ELOC: variants seen among roughly 807,000 people sequenced by gnomAD.
The protein encoded by ELOC is elongin C, also known as elongin-C.
For missense variants in ELOC, 38 were observed against 139.0 expected (o/e 0.27, Z 3.65); for synonymous variants, 40 against 51.3 (o/e 0.78, Z 0.94).
At chr8:73,949,384 G>C (rs1410096554) in intron 3 of ELOC, among the ~76,000 whole-genome samples, 3 of 152,130 alleles carry the variant, frequency 2.0e-5, no homozygotes, top group Admixed American at 1.3e-4. Flanking sequence ...AAACATCAGT[G>C]ATTTTTCTAA....
chr8:73,947,387 C>A (rs1008493314), intron 3 of ELOC, among the ~76,000 whole-genome samples: 1 of 152,070 alleles, frequency 6.6e-6, no homozygotes, highest in Non-Finnish European at 1.5e-5. Flanking sequence ...AAAAAGAGAG[C>A]CTCAGAAGAG....
intron 3 of ELOC, among the ~76,000 whole-genome samples, chr8:73,954,156 T>G (rs12546262): frequency 0.31 from 46,387 of 151,962 alleles, 7,337 homozygotes; most frequent in Admixed American, 0.39. Flanking sequence ...AGCAGACTGG[T>G]GGTAGTCAGA....
chr8:73,968,696 T>G (rs1231473778), intron 1 of ELOC, among the ~76,000 whole-genome samples: 1 of 152,206 alleles, frequency 6.6e-6, no homozygotes, highest in Admixed American at 6.5e-5. Context: ...ACCTTTCCAC[T>G]TAAGCAATGA....
At chr8:73,947,204 G>T (rs965530155) in intron 3 of ELOC, among the ~76,000 whole-genome samples, 2 of 152,194 alleles carry the variant, frequency 1.3e-5, no homozygotes, top group East Asian at 3.9e-4. Context: ...GGTCAGGCTG[G>T]TCTCAAACTC....
chr8:73,964,156 A>G (rs887510812), intron 1 of ELOC, among the ~76,000 whole-genome samples: 14 of 147,706 alleles, frequency 9.5e-5, no homozygotes, highest in Non-Finnish European at 1.5e-4. Context: ...TAATCACAGT[A>G]TGTTAAGTGG....
intron 3 of ELOC, among the ~76,000 whole-genome samples, chr8:73,951,679 C>CAACAAA (rs1554594060): frequency 6.1e-5 from 9 of 147,978 alleles, no homozygotes; most frequent in Non-Finnish European, 1.2e-4. Flanking sequence ...ACAACAACAA[C>CAACAAA]AAAACAACAG....
chr8:73,964,600 T>G (rs1353236991), intron 1 of ELOC: 1 of 151,940 alleles, frequency 6.6e-6, no homozygotes, highest in Non-Finnish European at 1.5e-5. Context: ...AGCCGGGCAC[T>G]CCAGCCTGGG....
At chr8:73,949,013 C>A (rs1813573244) in intron 3 of ELOC, among the ~76,000 whole-genome samples, 1 of 152,148 alleles carries the variant, frequency 6.6e-6, no homozygotes, top group Non-Finnish European at 1.5e-5. Context: ...GTTTTTCAGT[C>A]ATTCTTCAAA....
chr8:73,962,583 AAAAC>A (rs1271698710), intron 1 of ELOC, among the ~76,000 whole-genome samples: 1 of 152,178 alleles, frequency 6.6e-6, no homozygotes, highest in African/African-American at 2.4e-5. Context: ...AACAAAAAAA[AAAAC>A]AAAACAAATG....
intron 3 of ELOC, among the ~76,000 whole-genome samples, chr8:73,950,515 T>C (rs1018004555): frequency 2.1e-4 from 32 of 152,170 alleles, no homozygotes; most frequent in Admixed American, 1.5e-3. Flanking sequence ...AGCTAATAAA[T>C]GCAAAAAATT....
chr8:73,947,277 G>A (rs979705195), intron 3 of ELOC, among the ~76,000 whole-genome samples: 13 of 151,972 alleles, frequency 8.6e-5, no homozygotes, highest in Non-Finnish European at 1.6e-4. Flanking sequence ...ATGAGCCACC[G>A]CGCCCGGCCA....
chr8:73,947,737 GA>G, intron 3 of ELOC, among the ~76,000 whole-genome samples: 1 of 151,782 alleles, frequency 6.6e-6, no homozygotes, highest in East Asian at 1.9e-4. Context: ...ACCATGTCTG[GA>G]TAATTCTTGT....
At position 73,959,788 on chromosome 8, in the gene ELOC, A is replaced by T; in HGVS notation, c.-20T>A. ...ACCCATTTTGTTCTTATGAAATTCT[A>T]CTTTGCTTCCCCAGGAACTTTAGTA... On this transcript the variant is annotated 5_prime_UTR_variant, in exon 2 of 4. Transcript: ENST00000520242. The T allele has an allele frequency of 6.4e-7, 1 of 1,552,376 alleles. No homozygotes were observed. Among genetic ancestry groups the T allele is most frequent in the South Asian group, 1.2e-5 (1 of 80,618 alleles).
In ELOC at chr8:73,946,518, T is replaced by C. The variant is rs985748462; in HGVS notation, c.*112A>G. The C allele has an allele frequency of 8.8e-5, 72 of 821,590 alleles. No homozygotes were observed. Among genetic ancestry groups the C allele is most frequent in the Non-Finnish European group, 1.3e-4 (72 of 553,200 alleles). The allele number at this position is 821,590 out of a possible 1,614,324, so 50.9% of individuals were successfully genotyped here. ...CAAGATAATCTGCTTTGCAATGAAC[T>C]TTATATAGTTCAACTGCATACAGGC... On this transcript the variant is annotated 3_prime_UTR_variant, in exon 4 of 4. Coordinates refer to ENST00000520242, the MANE Select transcript of ELOC (RefSeq NM_005648.4).
chr8:73,967,579 T>C (rs1815080321), intron 1 of ELOC, among the ~76,000 whole-genome samples: 1 of 151,690 alleles, frequency 6.6e-6, no homozygotes, highest in Admixed American at 6.6e-5. Flanking sequence ...GTGATTCTCC[T>C]GCCTCAGCCT....
chr8:73,960,710 A>G (rs193004478), intron 1 of ELOC, among the ~76,000 whole-genome samples: 222 of 152,358 alleles, frequency 1.5e-3, no homozygotes, highest in African/African-American at 5.1e-3. Flanking sequence ...GTGAGGACAC[A>G]GCAAGTTCTG....
intron 1 of ELOC, among the ~76,000 whole-genome samples, chr8:73,971,715 T>C (rs1014463095): frequency 6.6e-6 from 1 of 151,572 alleles, no homozygotes; most frequent in Non-Finnish European, 1.5e-5. Flanking sequence ...GGGACTGACT[T>C]CAAGAAAAGA....
chr8:73,946,729 C>T lies in ELOC; in HGVS notation c.240G>A (p.Lys80=), dbSNP rs1168987409. 2 of 1,613,430 alleles carry T rather than the reference C, an allele frequency of 1.2e-6. No homozygotes were observed. The highest frequency in any genetic ancestry group is 1.7e-6 in the Non-Finnish European group (2 of 1,179,830). Residue 80 remains lysine, a synonymous_variant, in exon 4 of 4, where the codon AAG becomes AAA. Transcript: ENST00000520242. ...CGGTGGAGCTGTTAGTGTAGCGAAC[C>T]TTGTACGTAAAATACATGCATACTT... ...LSKVCMYFTY[K]VRYTNSSTEI...
chr8:73,956,210 G>A (rs1188315666), intron 2 of ELOC, among the ~76,000 whole-genome samples, 156 bp from the exon 3 acceptor site: 2 of 152,020 alleles, frequency 1.3e-5, no homozygotes, highest in African/African-American at 2.4e-5. Context: ...GGTCAAACAA[G>A]CCCGTCTCTA....
Sources: gnomAD v4.1 joint callset for allele counts (sites outside exome capture counted in the v4.1 genomes callset) on GRCh38, gnomAD v4.1.1 for gene constraint, MANE v1.5 for transcripts, NCBI Gene and HGNC (gene_info 2026-07-23, HGNC 2026-07-21) for gene names.